Variants in ATP10B observed in about 807,000 individuals in gnomAD.
ATP10B encodes the protein ATPase phospholipid transporting 10B (putative), also known as phospholipid-transporting ATPase VB.
ATP10B carries 122 observed loss-of-function variants against 141.2 expected under a neutral mutation model. That is an observed-to-expected ratio of 0.86 (90% confidence interval 0.75 to 1.00). The LOEUF (loss-of-function observed/expected upper bound fraction) is 1.00, where lower values mean the gene tolerates loss of function less well. ATP10B is among the 50% of genes least tolerant of loss of function. The pLI is 0.00. For missense variants in ATP10B, 1,876 were observed against 1,825.3 expected, an observed-to-expected ratio of 1.03 and a Z score of -0.51; for synonymous variants, 685 against 692.0, an observed-to-expected ratio of 0.99 and a Z score of 0.16.
chr5:160,827,158 C>T (rs569633743), intron 1 of ATP10B, among the ~76,000 whole-genome samples: 24 of 152,276 alleles, frequency 1.6e-4, no homozygotes, highest in Non-Finnish European at 3.2e-4. Context: ...CATCATGGTC[C>T]TACCAATATG....
At chr5:160,802,722 G>T (rs944611910) in intron 1 of ATP10B, among the ~76,000 whole-genome samples, 2 of 152,156 alleles carry the variant, frequency 1.3e-5, no homozygotes, top group African/African-American at 4.8e-5. Flanking sequence ...AATGGCTTCA[G>T]CCTCCTGAAT....
intron 6 of ATP10B, among the ~76,000 whole-genome samples, chr5:160,683,709 CAAG>C (rs2127741970): frequency 6.6e-6 from 1 of 152,336 alleles, no homozygotes; most frequent in South Asian, 2.1e-4. Flanking sequence ...CCTTCTTCAG[CAAG>C]AAGTCAAGCT....
chr5:160,779,061 A>G (rs1770541701), intron 2 of ATP10B, among the ~76,000 whole-genome samples: 1 of 152,204 alleles, frequency 6.6e-6, no homozygotes, highest in Non-Finnish European at 1.5e-5. Flanking sequence ...AGGTGTGCAG[A>G]AGCTGGTTAT....
At position 160,785,694 on chromosome 5, in the gene ATP10B, T is replaced by C; in HGVS notation, c.-466A>G. 1.6e-6 allele frequency: 2 copies of C among 1,287,630 alleles called. No individual in the cohort carries two copies. Among genetic ancestry groups the C allele is most frequent in the East Asian group, 5.6e-5 (1 of 18,012 alleles). The allele number at this position is 1,287,630 out of a possible 1,614,324, so 79.8% of individuals were successfully genotyped here. A position where few individuals can be genotyped will look rare whatever the true frequency, so the allele number is the denominator to read the frequency against. ...ATCTTGGCAGTGGAGAGGAGTTCAT[T>C]ATCTCCACTGAGTGAGATGAATAAT... On this transcript the variant is annotated 5_prime_UTR_variant, in exon 2 of 26. In the 5' UTR this introduces an upstream ATG that the reference lacks. Transcript: ENST00000327245.
chr5:160,761,787 A>ATACTT (rs1463926009), intron 2 of ATP10B, among the ~76,000 whole-genome samples: 3 of 152,150 alleles, frequency 2.0e-5, no homozygotes, highest in African/African-American at 7.2e-5. Context: ...TAAGCTACTA[A>ATACTT]AGGAGGTATC....
chr5:160,789,192 G>T (rs1376992458), intron 1 of ATP10B, among the ~76,000 whole-genome samples: 2 of 152,242 alleles, frequency 1.3e-5, no homozygotes, highest in East Asian at 3.9e-4. Context: ...AATTCAGTTT[G>T]ACCATCACCG....
At chr5:160,671,519 G>A (rs865806006) in intron 6 of ATP10B, among the ~76,000 whole-genome samples, 1 of 152,112 alleles carries the variant, frequency 6.6e-6, no homozygotes, top group African/African-American at 2.4e-5. Context: ...AGAACACTCT[G>A]GGCAGTCCAG....
At position 160,794,618 on chromosome 5, in the gene ATP10B, G is replaced by A. The variant is rs184337930; in HGVS notation, c.-575-8815C>T. Among the ~76,000 whole-genome samples, 29 of 152,274 alleles carry A rather than the reference G, an allele frequency of 1.9e-4. No individual in the cohort carries two copies. The East Asian group carries it at 5.6e-3, about 29-fold the overall frequency. ...AGGAAGCCTTTTTGCAACAGAGGAAGCCTCACTTTTCCCACCCAGTTGTAA... is the reference window on the plus strand; with the variant it reads ...AGGAAGCCTTTTTGCAACAGAGGAAACCTCACTTTTCCCACCCAGTTGTAA... On this transcript the variant is annotated intron_variant, in intron 1 of 25. Coordinates refer to ENST00000327245, the MANE Select transcript of ATP10B (RefSeq NM_025153.3).
chr5:160,676,562 T>G (rs1763043616), intron 6 of ATP10B, among the ~76,000 whole-genome samples: 1 of 152,200 alleles, frequency 6.6e-6, no homozygotes, highest in African/African-American at 2.4e-5. Flanking sequence ...GGGTCTTATA[T>G]TTCTATATGC....
At chr5:160,624,881 T>C (rs1758532940) in intron 13 of ATP10B, among the ~76,000 whole-genome samples, 1 of 152,190 alleles carries the variant, frequency 6.6e-6, no homozygotes, top group Non-Finnish European at 1.5e-5. Context: ...TGTTCTCTTA[T>C]TAATATTTCT....
chr5:160,582,907 T>C (rs10057205), intron 24 of ATP10B, among the ~76,000 whole-genome samples: 113,393 of 152,050 alleles, frequency 0.75, 42,395 homozygotes, highest in East Asian at 0.85. Flanking sequence ...AAAGTTCCCA[T>C]ACTGTGTTTG....
chr5:160,658,032 T>C (rs1335839954), intron 7 of ATP10B, among the ~76,000 whole-genome samples: 1 of 152,204 alleles, frequency 6.6e-6, no homozygotes, highest in Non-Finnish European at 1.5e-5. Flanking sequence ...ACTTTGTACC[T>C]CATGTTTTGG....
intron 1 of ATP10B, among the ~76,000 whole-genome samples, chr5:160,788,968 G>A (rs184898481): frequency 2.6e-5 from 4 of 152,212 alleles, no homozygotes; most frequent in African/African-American, 4.8e-5. Flanking sequence ...TGGCTTAATC[G>A]ACATTCAAAA....
At chr5:160,647,586 G>T (rs1760387748) in intron 8 of ATP10B, among the ~76,000 whole-genome samples, 1 of 152,208 alleles carries the variant, frequency 6.6e-6, no homozygotes, top group South Asian at 2.1e-4. Flanking sequence ...AGCCTGAGCT[G>T]TTCTGGGGAG....
At chr5:160,663,842 C>T (rs143437756) in intron 7 of ATP10B, among the ~76,000 whole-genome samples, 6 of 152,214 alleles carry the variant, frequency 3.9e-5, no homozygotes, top group East Asian at 3.9e-4. Flanking sequence ...GAACTATGCC[C>T]GAGTTTGAAT....
At chr5:160,637,586 C>G (rs77798626) in intron 10 of ATP10B, among the ~76,000 whole-genome samples, 28 of 152,318 alleles carry the variant, frequency 1.8e-4, no homozygotes, top group Admixed American at 3.3e-4. Context: ...AAGGAGATAA[C>G]AACACGCATT....
chr5:160,653,821 G>GACGTATATACATATATATTATATAT (rs1345987519), intron 7 of ATP10B, among the ~76,000 whole-genome samples: 3 of 121,182 alleles, frequency 2.5e-5, no homozygotes, highest in African/African-American at 1.0e-4. Flanking sequence ...ATATTATATA[G>GACGTATATACATATATATTATATAT]ACGTATATAC....
chr5:160,816,656 G>A (rs1773658554), intron 1 of ATP10B, among the ~76,000 whole-genome samples: 1 of 152,114 alleles, frequency 6.6e-6, no homozygotes, highest in Non-Finnish European at 1.5e-5. Context: ...ATTTTATGAG[G>A]CCAGCATCAT....
chr5:160,840,896 A>C (rs1032304131), intron 1 of ATP10B, among the ~76,000 whole-genome samples: 1 of 152,180 alleles, frequency 6.6e-6, no homozygotes, highest in Non-Finnish European at 1.5e-5. Context: ...AAATTCACTG[A>C]GATACTATTT....
Sources: allele counts gnomAD v4.1 joint callset (sites outside exome capture counted in the v4.1 genomes callset), GRCh38; gene constraint gnomAD v4.1.1; transcripts MANE v1.5; gene names NCBI Gene and HGNC (gene_info 2026-07-23, HGNC 2026-07-21).